The following FOXN3 variants were observed in gnomAD, a reference collection of about 807,000 sequenced individuals.
FOXN3 encodes the protein forkhead box N3, also known as forkhead box protein N3.
In FOXN3, 7 loss-of-function variants were observed where a neutral mutation model predicts 38.4. The observed-to-expected ratio is 0.18, with a 90% CI of 0.10 to 0.34. The LOEUF (loss-of-function observed/expected upper bound fraction) is 0.34. Among genes scored for constraint, FOXN3 ranks in the 10% least tolerant of loss-of-function variants. The pLI is 1.00. For synonymous variants in FOXN3, 230 were observed against 242.2 expected, an observed-to-expected ratio of 0.95 and a Z score of 0.47; for missense variants, 456 against 613.4, an observed-to-expected ratio of 0.74 and a Z score of 2.71.
chr14:89,610,515 G>A (rs1409162739), intron 1 of FOXN3, among the ~76,000 whole-genome samples: 16 of 152,164 alleles, frequency 1.1e-4, no homozygotes, highest in Admixed American at 9.8e-4. Context: ...TCCTGGGATG[G>A]TCTCCCAAGA....
chr14:89,462,601 AG>A (rs890080887), intron 1 of FOXN3, among the ~76,000 whole-genome samples: 2 of 152,050 alleles, frequency 1.3e-5, no homozygotes. Flanking sequence ...CTGTCTACAG[AG>A]GTCCAAGGCA....
intron 4 of FOXN3, among the ~76,000 whole-genome samples, chr14:89,186,027 C>A (rs1343151353): frequency 2.0e-5 from 3 of 152,228 alleles, no homozygotes; most frequent in Non-Finnish European, 4.4e-5. Context: ...TGGTTTTTCA[C>A]AACTTCTAAA....
intron 1 of FOXN3, among the ~76,000 whole-genome samples, chr14:89,447,396 C>T (rs749776360): frequency 2.0e-5 from 3 of 151,906 alleles, no homozygotes; most frequent in Admixed American, 6.6e-5. Context: ...AGAAGGTGGG[C>T]GGCGGGAAGG....
intron 1 of FOXN3, among the ~76,000 whole-genome samples, chr14:89,496,120 G>A (rs903776291): frequency 3.3e-5 from 5 of 152,160 alleles, no homozygotes; most frequent in African/African-American, 4.8e-5. Context: ...GGCTGAGGCA[G>A]GCGAATCTCT....
intron 5 of FOXN3, among the ~76,000 whole-genome samples, chr14:89,165,591 T>C (rs1887220515): frequency 6.6e-6 from 1 of 152,176 alleles, no homozygotes; most frequent in Non-Finnish European, 1.5e-5. Context: ...TCCGTATCTG[T>C]TTTCTGCAGA....
intron 1 of FOXN3, among the ~76,000 whole-genome samples, chr14:89,422,784 T>G (rs1020715765): frequency 6.6e-6 from 1 of 152,160 alleles, no homozygotes; most frequent in African/African-American, 2.4e-5. Flanking sequence ...AAAGGGCTTA[T>G]TAGAATTTCT....
chr14:89,485,235 G>A (rs1473450779), intron 1 of FOXN3, among the ~76,000 whole-genome samples: 2 of 151,602 alleles, frequency 1.3e-5, no homozygotes, highest in Non-Finnish European at 2.9e-5. Context: ...GAGAGTGAGG[G>A]GTGGACAGGA....
intron 3 of FOXN3, among the ~76,000 whole-genome samples, chr14:89,316,063 A>C (rs576412358): frequency 6.6e-6 from 1 of 152,324 alleles, no homozygotes; most frequent in South Asian, 2.1e-4. Flanking sequence ...GTCCCCGCCA[A>C]AAGGAATCTG....
chr14:89,543,750 C>G (rs954977592), intron 1 of FOXN3, among the ~76,000 whole-genome samples: 2 of 152,106 alleles, frequency 1.3e-5, no homozygotes, highest in Non-Finnish European at 2.9e-5. Flanking sequence ...ATTCAGAAAT[C>G]AGAGAGAGAC....
intron 1 of FOXN3, among the ~76,000 whole-genome samples, chr14:89,472,702 C>T (rs1256464120): frequency 3.9e-5 from 5 of 129,468 alleles, no homozygotes; most frequent in Admixed American, 1.8e-4. Context: ...GCCTGGGTGA[C>T]GGAGCAAGAC....
chr14:89,216,148 C>T (rs1884274200), intron 4 of FOXN3, among the ~76,000 whole-genome samples: 1 of 152,152 alleles, frequency 6.6e-6, no homozygotes, highest in Non-Finnish European at 1.5e-5. Flanking sequence ...CAGGCACTTA[C>T]AGAGGACTTC....
chr14:89,527,719 TGA>T (rs1566687500), intron 1 of FOXN3, among the ~76,000 whole-genome samples: 6 of 146,802 alleles, frequency 4.1e-5, no homozygotes, highest in Admixed American at 6.7e-5. Flanking sequence ...TTTTTTTTTT[TGA>T]TACAGAGTCT....
chr14:89,219,983 T>A (rs1261973961), intron 4 of FOXN3, among the ~76,000 whole-genome samples: 1 of 152,148 alleles, frequency 6.6e-6, no homozygotes, highest in Non-Finnish European at 1.5e-5. Context: ...AGTTGACTAT[T>A]TTTTTAAAAT....
At chr14:89,477,426 A>T (rs1308866485) in intron 1 of FOXN3, among the ~76,000 whole-genome samples, 1 of 152,140 alleles carries the variant, frequency 6.6e-6, no homozygotes, top group Admixed American at 6.6e-5. Context: ...AGAAATCAAC[A>T]CTTTCTCCCC....
chr14:89,467,981 C>T (rs1893014551), intron 1 of FOXN3, among the ~76,000 whole-genome samples: 1 of 151,406 alleles, frequency 6.6e-6, no homozygotes, highest in African/African-American at 2.4e-5. Context: ...CCAGTCCTTC[C>T]TACTTTTTTC....
intron 5 of FOXN3, among the ~76,000 whole-genome samples, chr14:89,176,509 C>T (rs774111272): frequency 2.6e-5 from 4 of 152,196 alleles, no homozygotes; most frequent in African/African-American, 4.8e-5. Context: ...CCCAGCTGAA[C>T]AGACTGGGGC....
chr14:89,511,198 C>CTT (rs1418986855), intron 1 of FOXN3, among the ~76,000 whole-genome samples: 1 of 16,450 alleles, frequency 6.1e-5, no homozygotes, highest in Non-Finnish European at 3.1e-4. Flanking sequence ...TCTTTTCTTT[C>CTT]TTTCTTTTCT....
At chr14:89,270,172 A>T (rs894610140) in intron 4 of FOXN3, among the ~76,000 whole-genome samples, 3 of 152,196 alleles carry the variant, frequency 2.0e-5, no homozygotes, top group African/African-American at 7.2e-5. Context: ...AAGGATAGCC[A>T]GTCAGGACTC....
chr14:89,255,806 C>T (rs904286035), intron 4 of FOXN3, among the ~76,000 whole-genome samples: 6 of 152,186 alleles, frequency 3.9e-5, no homozygotes, highest in Non-Finnish European at 8.8e-5. Context: ...CCGCTGGGCA[C>T]ACCATTCATG....
Sources: allele counts gnomAD v4.1 joint callset (sites outside exome capture counted in the v4.1 genomes callset), GRCh38; gene constraint gnomAD v4.1.1; transcripts MANE v1.5; gene names NCBI Gene and HGNC (gene_info 2026-07-23, HGNC 2026-07-21).